Variants in NKAIN3 observed in about 807,000 individuals in gnomAD.
The protein encoded by NKAIN3 is sodium/potassium-transporting ATPase subunit beta-1-interacting protein 3.
In NKAIN3, 25 loss-of-function variants were observed where a neutral mutation model predicts 30.2. The ratio of observed to expected loss-of-function variants is 0.83; its 90% CI spans 0.60 to 1.16. The LOEUF is 1.16. NKAIN3 is among the 50% of genes most tolerant of loss of function. The pLI, the probability that NKAIN3 is intolerant of heterozygous loss-of-function variation, is 0.00. For synonymous variants in NKAIN3, 91 were observed against 89.6 expected, an observed-to-expected ratio of 1.02 and a Z score of -0.09; for missense variants, 225 against 254.1, an observed-to-expected ratio of 0.89 and a Z score of 0.78.
chr8:62,296,827 G>A (rs890417923), intron 1 of NKAIN3, among the ~76,000 whole-genome samples: 1 of 152,082 alleles, frequency 6.6e-6, no homozygotes, highest in Non-Finnish European at 1.5e-5. Flanking sequence ...CCTCCCTAAT[G>A]TAAGAATTCC....
chr8:62,434,590 C>A (rs748096608), intron 1 of NKAIN3, among the ~76,000 whole-genome samples: 1 of 152,104 alleles, frequency 6.6e-6, no homozygotes, highest in Non-Finnish European at 1.5e-5. Context: ...AAGTATCTGT[C>A]CCTTCCTCTG....
chr8:62,986,090 T>G (rs1017485786), downstream of NKAIN3, among the ~76,000 whole-genome samples: 6 of 152,174 alleles, frequency 3.9e-5, no homozygotes, highest in Admixed American at 1.3e-4. Flanking sequence ...CAAATGGAAA[T>G]CATATTGTAT....
At chr8:62,611,604 T>C (rs1811292286) in intron 3 of NKAIN3, among the ~76,000 whole-genome samples, 1 of 152,150 alleles carries the variant, frequency 6.6e-6, no homozygotes, top group African/African-American at 2.4e-5. Context: ...ACCCATGTTG[T>C]TGCAAATAAC....
chr8:62,937,618 C>T (rs541935886), intron 5 of NKAIN3, among the ~76,000 whole-genome samples: 3 of 152,026 alleles, frequency 2.0e-5, no homozygotes, highest in East Asian at 1.9e-4. Flanking sequence ...GGAAAAACTA[C>T]GAGGAGAAAG....
intron 4 of NKAIN3, among the ~76,000 whole-genome samples, chr8:62,782,614 A>G (rs1053983587): frequency 7.2e-5 from 11 of 151,824 alleles, no homozygotes; most frequent in Non-Finnish European, 1.5e-4. Context: ...AAGTCATGTC[A>G]TTCACTACAA....
At chr8:62,333,792 C>T (rs556769775) in intron 1 of NKAIN3, among the ~76,000 whole-genome samples, 1 of 152,178 alleles carries the variant, frequency 6.6e-6, no homozygotes, top group African/African-American at 2.4e-5. Context: ...GAATGAGTAA[C>T]TAAAAGCCAA....
At chr8:62,794,985 CTG>C (rs962420080) in intron 4 of NKAIN3, among the ~76,000 whole-genome samples, 1 of 152,042 alleles carries the variant, frequency 6.6e-6, no homozygotes, top group African/African-American at 2.4e-5. Context: ...TATTGTGTAC[CTG>C]TGTGTGTATA....
chr8:62,440,203 G>C (rs1359958318), intron 1 of NKAIN3, among the ~76,000 whole-genome samples: 1 of 152,046 alleles, frequency 6.6e-6, no homozygotes, highest in African/African-American at 2.4e-5. Flanking sequence ...ACACTAAAAG[G>C]ACCTAGAAAA....
intron 4 of NKAIN3, among the ~76,000 whole-genome samples, chr8:62,771,340 GAA>G (rs1257139168): frequency 1.9e-5 from 2 of 103,798 alleles, no homozygotes; most frequent in Non-Finnish European, 3.9e-5. Context: ...TCTCAATAAA[GAA>G]AGAGATTTTT....
In NKAIN3 at chr8:62,974,473, G is replaced by T. The variant is rs1196593807; in HGVS notation, c.*9066G>T. ...TTTGGCTCTCTGTTTGTCTATTATT[G>T]GTGTATAGGAATGCTTGTGATTTTT... On this transcript the variant is annotated 3_prime_UTR_variant, in exon 7 of 7. Transcript: ENST00000623646. Among the ~76,000 whole-genome samples, 2 of 151,994 alleles carry T rather than the reference G, an allele frequency of 1.3e-5. No individual in the cohort carries two copies. Among genetic ancestry groups the T allele is most frequent in the African/African-American group, 2.4e-5 (1 of 41,384 alleles).
Position 62,855,984 on chromosome 8 carries a change from A to C in NKAIN3, c.472-62469A>C, listed in dbSNP as rs1317302975. ...AGCACTAAACAGGGTTGAGCTCCCAATCACCAGCAACTCCTCAGGGCACAT... is the reference window on the plus strand; with the variant it reads ...AGCACTAAACAGGGTTGAGCTCCCACTCACCAGCAACTCCTCAGGGCACAT... On this transcript the variant is annotated intron_variant, in intron 4 of 6. Coordinates refer to ENST00000623646, the MANE Select transcript of NKAIN3 (RefSeq NM_001304533.3). The C allele has an allele frequency of 8.7e-6, 6 of 690,728 alleles. No homozygotes were observed. The Admixed American group carries it at 1.3e-4, about 15-fold the overall frequency. 42.8% of individuals were successfully genotyped at this position (690,728 alleles called of 1,614,324 possible).
chr8:62,986,734 T>G (rs1202443361), downstream of NKAIN3, among the ~76,000 whole-genome samples: 5 of 152,142 alleles, frequency 3.3e-5, no homozygotes, highest in Non-Finnish European at 7.3e-5. Context: ...TCATGGAGCT[T>G]AGACCCTCCC....
chr8:62,671,724 T>G (rs1813312027), intron 3 of NKAIN3, among the ~76,000 whole-genome samples: 1 of 152,106 alleles, frequency 6.6e-6, no homozygotes, highest in African/African-American at 2.4e-5. Flanking sequence ...TGGGACTAAA[T>G]TATTACTGGG....
At chr8:62,752,972 C>G (rs1411821692) in intron 4 of NKAIN3, among the ~76,000 whole-genome samples, 3 of 152,146 alleles carry the variant, frequency 2.0e-5, no homozygotes, top group Non-Finnish European at 4.4e-5. Flanking sequence ...GACAGTCAAT[C>G]TGCTCCAAGA....
At chr8:62,816,442 C>T (rs1818681359) in intron 4 of NKAIN3, among the ~76,000 whole-genome samples, 1 of 152,138 alleles carries the variant, frequency 6.6e-6, no homozygotes, top group Admixed American at 6.6e-5. Context: ...AGAAGGTAGG[C>T]TCACTGTGGC....
intron 4 of NKAIN3, among the ~76,000 whole-genome samples, chr8:62,910,568 T>A (rs10090825): frequency 0.089 from 13,561 of 152,220 alleles, 636 homozygotes; most frequent in South Asian, 0.15. Context: ...TTATTTTATA[T>A]TATACAGATT....
chr8:62,907,444 T>C (rs1215619568), intron 4 of NKAIN3, among the ~76,000 whole-genome samples: 1 of 152,206 alleles, frequency 6.6e-6, no homozygotes, highest in South Asian at 2.1e-4. Flanking sequence ...GAAATTTGTA[T>C]AGAAGCCAAA....
intron 1 of NKAIN3, among the ~76,000 whole-genome samples, chr8:62,305,353 G>T (rs1814196320): frequency 6.7e-6 from 1 of 150,260 alleles, no homozygotes; most frequent in South Asian, 2.1e-4. Flanking sequence ...TTGAGTTAGG[G>T]AATTCCATAA....
At chr8:62,795,838 A>C (rs2130681994) in intron 4 of NKAIN3, among the ~76,000 whole-genome samples, 1 of 152,294 alleles carries the variant, frequency 6.6e-6, no homozygotes, top group Middle Eastern at 3.4e-3. Flanking sequence ...TCATGTTTTC[A>C]GTTGAAATTA....
Sources: gnomAD v4.1 joint callset for allele counts (sites outside exome capture counted in the v4.1 genomes callset) on GRCh38, gnomAD v4.1.1 for gene constraint, MANE v1.5 for transcripts, NCBI Gene and HGNC (gene_info 2026-07-23, HGNC 2026-07-21) for gene names.